The following IMPG1 variants were observed in gnomAD, a reference collection of about 807,000 sequenced individuals.
IMPG1 encodes the protein interphotoreceptor matrix proteoglycan 1, also known as interphotoreceptor matrix proteoglycan of 150 kDa.
Under a neutral mutation model 92.0 loss-of-function variants are expected in IMPG1, and 85 were observed. The observed-to-expected ratio is 0.92, with a 90% confidence interval of 0.78 to 1.11. The LOEUF (loss-of-function observed/expected upper bound fraction) is 1.11, where lower values mean the gene tolerates loss of function less well. IMPG1 is among the 50% of genes least tolerant of loss of function. The pLI is 0.00. For synonymous variants in IMPG1, 367 were observed against 334.1 expected (o/e 1.10, Z -1.08); for missense variants, 1,022 against 956.0 (o/e 1.07, Z -0.91).
intron 6 of IMPG1, among the ~76,000 whole-genome samples, chr6:76,021,047 G>A (rs1345944815): frequency 6.6e-6 from 1 of 152,154 alleles, no homozygotes; most frequent in Non-Finnish European, 1.5e-5. Flanking sequence ...ATAACTGAGA[G>A]TCTAGCACAT....
intron 12 of IMPG1, among the ~76,000 whole-genome samples, chr6:75,964,152 A>T (rs1299299498): frequency 6.6e-6 from 1 of 152,198 alleles, no homozygotes. Flanking sequence ...GAATGCATAT[A>T]GTTCTGGGCA....
chr6:76,011,713 C>T (rs2149480015), intron 7 of IMPG1, among the ~76,000 whole-genome samples: 1 of 149,330 alleles, frequency 6.7e-6, no homozygotes, highest in Non-Finnish European at 1.5e-5. Context: ...TTAGGTATAT[C>T]TCCCAATGCT....
chr6:76,042,170 G>A (rs745515234), intron 1 of IMPG1, 44 bp from the exon 2 acceptor site: 17 of 961,076 alleles, frequency 1.8e-5, no homozygotes, highest in Non-Finnish European at 2.9e-5. Flanking sequence ...ATACATTTAT[G>A]TGTTATATGT....
chr6:75,944,378 T>C (rs1319788705), intron 14 of IMPG1, among the ~76,000 whole-genome samples: 1 of 152,234 alleles, frequency 6.6e-6, no homozygotes, highest in Non-Finnish European at 1.5e-5. Context: ...ATTTACCCAT[T>C]TGGATTTACA....
chr6:75,957,218 G>A (rs796101858), intron 12 of IMPG1, among the ~76,000 whole-genome samples: 32 of 151,962 alleles, frequency 2.1e-4, no homozygotes, highest in African/African-American at 7.0e-4. Flanking sequence ...GTGCCCAGCC[G>A]TTGAGTGAGT....
intron 11 of IMPG1, 101 bp downstream of exon 11, chr6:76,003,773 A>G: frequency 1.2e-6 from 1 of 835,128 alleles, no homozygotes; most frequent in South Asian, 1.6e-5. Context: ...TAGCATTGCA[A>G]AGGGGATTTT....
At chr6:75,924,975 G>A in intron 15 of IMPG1, among the ~76,000 whole-genome samples, 1 of 150,780 alleles carries the variant, frequency 6.6e-6, no homozygotes, top group Non-Finnish European at 1.5e-5. Flanking sequence ...GGGGAGGGGA[G>A]GGAGGAGGGT....
At chr6:76,055,066 C>T (rs1260325190) in intron 1 of IMPG1, among the ~76,000 whole-genome samples, 2 of 151,826 alleles carry the variant, frequency 1.3e-5, no homozygotes, top group East Asian at 3.9e-4. Flanking sequence ...ATGCTCAAGC[C>T]TGACCTAATG....
chr6:75,939,109 G>A (rs184898142), intron 14 of IMPG1, among the ~76,000 whole-genome samples: 3 of 152,164 alleles, frequency 2.0e-5, no homozygotes, highest in East Asian at 1.9e-4. Context: ...AAAGTGCTGG[G>A]ATTACAGGCG....
At chr6:75,965,856 C>T (rs1365451963) in intron 12 of IMPG1, among the ~76,000 whole-genome samples, 2 of 152,186 alleles carry the variant, frequency 1.3e-5, no homozygotes, top group Non-Finnish European at 1.5e-5. Context: ...ATCTGCCCGC[C>T]TTGGCCTCCC....
chr6:75,954,609 T>C (rs1336243250), intron 12 of IMPG1, among the ~76,000 whole-genome samples: 3 of 152,236 alleles, frequency 2.0e-5, no homozygotes, highest in Non-Finnish European at 4.4e-5. Context: ...CAGAAGCTCC[T>C]TAGTTTAATT....
chr6:76,048,530 C>T (rs1419419308), intron 1 of IMPG1, among the ~76,000 whole-genome samples: 1 of 152,182 alleles, frequency 6.6e-6, no homozygotes, highest in Non-Finnish European at 1.5e-5. Context: ...CTACTTAAGA[C>T]CAACTCTCCA....
At chr6:76,024,697 T>C (rs943198044) in intron 5 of IMPG1, among the ~76,000 whole-genome samples, 1 of 152,210 alleles carries the variant, frequency 6.6e-6, no homozygotes, top group Non-Finnish European at 1.5e-5. Context: ...CAAAGATTTA[T>C]GTTTAAATAT....
chr6:76,013,720 G>A (rs1783232137), intron 7 of IMPG1, among the ~76,000 whole-genome samples: 1 of 151,998 alleles, frequency 6.6e-6, no homozygotes, highest in Non-Finnish European at 1.5e-5. Context: ...AGCACATTTT[G>A]TTTAATTCAG....
intron 2 of IMPG1, among the ~76,000 whole-genome samples, chr6:76,035,228 C>T (rs1181656469): frequency 6.6e-6 from 1 of 151,870 alleles, no homozygotes; most frequent in Non-Finnish European, 1.5e-5. Context: ...GAGGGCCAGG[C>T]GTGGTGGCTA....
At chr6:75,974,025 A>G (rs2149466531) in intron 12 of IMPG1, among the ~76,000 whole-genome samples, 1 of 152,354 alleles carries the variant, frequency 6.6e-6, no homozygotes, top group Non-Finnish European at 1.5e-5. Flanking sequence ...GATCATTTGT[A>G]GAAATCAAAC....
intron 12 of IMPG1, among the ~76,000 whole-genome samples, chr6:75,965,606 CT>C (rs35490140): frequency 1.5e-3 from 171 of 112,488 alleles, no homozygotes; most frequent in African/African-American, 5.6e-3. Context: ...CATACTTGTT[CT>C]TTTTTTTTTT....
At chr6:76,011,650 A>G (rs1253557548) in intron 7 of IMPG1, among the ~76,000 whole-genome samples, 1 of 151,684 alleles carries the variant, frequency 6.6e-6, no homozygotes, top group Non-Finnish European at 1.5e-5. Context: ...TTAGTTACAT[A>G]TGTATACATG....
At chr6:76,023,895 C>T (rs945194921) in intron 5 of IMPG1, among the ~76,000 whole-genome samples, 19 of 152,222 alleles carry the variant, frequency 1.2e-4, no homozygotes, top group Admixed American at 1.0e-3. Flanking sequence ...TTTCAATTCT[C>T]TTATTAATTT....
Sources: gnomAD v4.1 joint callset for allele counts (sites outside exome capture counted in the v4.1 genomes callset) on GRCh38, gnomAD v4.1.1 for gene constraint, MANE v1.5 for transcripts, NCBI Gene and HGNC (gene_info 2026-07-23, HGNC 2026-07-21) for gene names.